FRMD6: variants seen among roughly 807,000 people sequenced by gnomAD.
The protein encoded by FRMD6 is FERM domain containing 6.
A neutral mutation model predicts 73.2 loss-of-function variants in FRMD6; 37 were observed. The ratio of observed to expected loss-of-function variants is 0.51; its 90% CI spans 0.39 to 0.66. The LOEUF (loss-of-function observed/expected upper bound fraction) is 0.66, where lower values mean the gene tolerates loss of function less well. Ranked by LOEUF, FRMD6 falls within the 30% of genes least tolerant of loss-of-function variation. The pLI, the probability that FRMD6 is intolerant of heterozygous loss-of-function variation, is 0.00. For synonymous variants in FRMD6, 273 were observed against 282.2 expected, an observed-to-expected ratio of 0.97 and a Z score of 0.33; for missense variants, 714 against 780.5, an observed-to-expected ratio of 0.91 and a Z score of 1.02.
intron 2 of FRMD6, among the ~76,000 whole-genome samples, chr14:51,639,235 A>G (rs1458328431): frequency 1.3e-5 from 2 of 152,122 alleles, no homozygotes; most frequent in African/African-American, 4.8e-5. Context: ...GGAGATCGAG[A>G]CCATGCTGAC....
At chr14:51,567,240 A>G (rs145839423) in intron 1 of FRMD6, among the ~76,000 whole-genome samples, 195 of 152,368 alleles carry the variant, frequency 1.3e-3, no homozygotes, top group African/African-American at 4.5e-3. Flanking sequence ...GTTGGCAACT[A>G]ACTCAAATTT....
chr14:51,580,799 T>G (rs1159548874), intron 2 of FRMD6, among the ~76,000 whole-genome samples: 1 of 152,214 alleles, frequency 6.6e-6, no homozygotes, highest in Non-Finnish European at 1.5e-5. Context: ...TATCAATTTG[T>G]AAATGTATTT....
chr14:51,694,823 C>T (rs536232648), intron 2 of FRMD6, among the ~76,000 whole-genome samples: 2 of 152,286 alleles, frequency 1.3e-5, no homozygotes, highest in East Asian at 3.9e-4. Flanking sequence ...AGAAATTTTA[C>T]AGTCAGCTAA....
intron 1 of FRMD6, among the ~76,000 whole-genome samples, chr14:51,553,662 A>AT (rs1162308483): frequency 1.3e-5 from 2 of 152,140 alleles, no homozygotes; most frequent in Non-Finnish European, 2.9e-5. Context: ...AAGGGATCAG[A>AT]TTTTCTCTAG....
At chr14:51,488,376 G>A (rs1882825051), upstream of FRMD6, among the ~76,000 whole-genome samples, 1 of 152,180 alleles carries the variant, frequency 6.6e-6, no homozygotes, top group Non-Finnish European at 1.5e-5. Flanking sequence ...CTGAGAGATG[G>A]TGTTCTGTTA....
At chr14:51,697,702 A>G (rs780871863) in intron 2 of FRMD6, among the ~76,000 whole-genome samples, 5 of 152,144 alleles carry the variant, frequency 3.3e-5, no homozygotes, top group Non-Finnish European at 7.4e-5. Flanking sequence ...ATTCCACAGT[A>G]TATACATATA....
intron 1 of FRMD6, among the ~76,000 whole-genome samples, chr14:51,517,540 C>G (rs1173930041): frequency 6.6e-6 from 1 of 152,116 alleles, no homozygotes; most frequent in African/African-American, 2.4e-5. Context: ...AGTCATAACT[C>G]TCCACTGTTG....
intron 1 of FRMD6, among the ~76,000 whole-genome samples, chr14:51,657,140 G>C (rs188689055): frequency 8.8e-4 from 134 of 152,148 alleles, no homozygotes; most frequent in Non-Finnish European, 8.1e-4. Flanking sequence ...TTTTCTCTCT[G>C]ATTGGGTTAA....
chr14:51,534,288 C>T (rs1885761377), intron 1 of FRMD6, among the ~76,000 whole-genome samples: 1 of 152,222 alleles, frequency 6.6e-6, no homozygotes, highest in South Asian at 2.1e-4. Flanking sequence ...ATCACTATTA[C>T]AGGGAGGAAA....
At chr14:51,552,026 G>A (rs1484201825) in intron 1 of FRMD6, among the ~76,000 whole-genome samples, 1 of 152,098 alleles carries the variant, frequency 6.6e-6, no homozygotes, top group Non-Finnish European at 1.5e-5. Flanking sequence ...TCAATGCCTA[G>A]AACATTGCCT....
In FRMD6 at chr14:51,539,949, A is replaced by G. The variant is rs183346515; in HGVS notation, c.-209-30399A>G. ...TCCCCAACCAGCTGTTCCAGTGACTAGCAAGAAAAATATTCTCTTGGAACA... is the reference window on the plus strand; with the variant it reads ...TCCCCAACCAGCTGTTCCAGTGACTGGCAAGAAAAATATTCTCTTGGAACA... On this transcript the variant is annotated intron_variant, in intron 1 of 14. Transcript: ENST00000356218. Among the ~76,000 whole-genome samples the G allele has an allele frequency of 1.3e-4, 20 of 152,352 alleles. No individual in the cohort carries two copies. In the East Asian group the frequency reaches 1.9e-3, roughly 15 times the overall value.
chr14:51,563,763 A>AC (rs751107063), intron 1 of FRMD6, among the ~76,000 whole-genome samples: 1 of 152,236 alleles, frequency 6.6e-6, no homozygotes, highest in Non-Finnish European at 1.5e-5. Flanking sequence ...AAGAAAGTAT[A>AC]CAGAAGGTCT....
rs1251774403 is a variant in FRMD6, at chr14:51,690,416, C to T, written c.99+481C>T. On this transcript the variant is annotated intron_variant, in intron 2 of 13. Transcript: ENST00000344768. ...GTTTTTGCTTTTTGAGACAGAGTCTCACTCTGTCACCCAGGCTGGAGTGTA... is the reference window on the plus strand; with the variant it reads ...GTTTTTGCTTTTTGAGACAGAGTCTTACTCTGTCACCCAGGCTGGAGTGTA... Among the ~76,000 whole-genome samples the T allele has an allele frequency of 2.0e-5, 3 of 152,168 alleles. No individual in the cohort carries two copies. The East Asian group carries it at 5.8e-4, about 30-fold the overall frequency.
In FRMD6 at chr14:51,623,341, A is replaced by G. The variant is rs371279526; in HGVS notation, c.-147+52931A>G. Among the ~76,000 whole-genome samples, 285 of 152,298 alleles carry G rather than the reference A, an allele frequency of 1.9e-3. 9 individuals carry two copies. In the South Asian group the frequency reaches 0.056, roughly 30 times the overall value. On this transcript the variant is annotated intron_variant, in intron 2 of 14. Transcript: ENST00000356218. ...ACATTTTGAACCAGCCTGTCATTAT[A>G]TTTCCTGACTGGTAATCAAAGAAGT...
At chr14:51,549,467 C>T (rs78781416) in intron 1 of FRMD6, among the ~76,000 whole-genome samples, 2,891 of 152,150 alleles carry the variant, frequency 0.019, 51 homozygotes, top group Middle Eastern at 0.031. Context: ...GGGTGTTATT[C>T]CAGCAGAGAA....
In FRMD6 at chr14:51,720,213, T is replaced by G; in HGVS notation, c.1183T>G (p.Ser395Ala). Reference sequence around the variant, plus strand: ...CGCCAGCCACAGCAGTTCCCACACCTCGGGCATTGAGGCAGACACCAAGCC... The same window carrying G: ...CGCCAGCCACAGCAGTTCCCACACCGCGGGCATTGAGGCAGACACCAAGCC... The part of the protein sequence containing the change: ...STASHSSSHT[S>A]GIEADTKPRD... The change falls in exon 11 of 14, where the codon TCG becomes GCG. Residue 395 changes from serine to alanine, a missense_variant. By Grantham distance (99) the Ser-to-Ala change is moderately conservative. Transcript: ENST00000344768. 1 of 1,613,828 alleles carries G rather than the reference T, an allele frequency of 6.2e-7. No homozygotes were observed. The highest frequency in any genetic ancestry group is 1.3e-5 in the African/African-American group (1 of 74,948).
intron 2 of FRMD6, among the ~76,000 whole-genome samples, chr14:51,587,422 T>G (rs1036766858): frequency 1.3e-5 from 2 of 152,252 alleles, no homozygotes; most frequent in African/African-American, 4.8e-5. Context: ...TTTTATTAGC[T>G]TGGGTTAATT....
chr14:51,594,557 G>A (rs1215153930), intron 2 of FRMD6, among the ~76,000 whole-genome samples: 4 of 151,928 alleles, frequency 2.6e-5, no homozygotes, highest in Admixed American at 6.6e-5. Context: ...TCGAACTCCC[G>A]ACCTCAAGTG....
chr14:51,400,266 C>T, the FRMD6 span, among the ~76,000 whole-genome samples: 3 of 152,172 alleles, frequency 2.0e-5, no homozygotes, highest in Non-Finnish European at 4.4e-5. Flanking sequence ...AATGTCTTTC[C>T]TTCCCCATCT....
Sources: gnomAD v4.1 joint callset for allele counts (sites outside exome capture counted in the v4.1 genomes callset) on GRCh38, gnomAD v4.1.1 for gene constraint, MANE v1.5 for transcripts, NCBI Gene and HGNC (gene_info 2026-07-23, HGNC 2026-07-21) for gene names.